Variants in MTX3 observed in about 807,000 individuals in gnomAD.
MTX3 encodes the protein metaxin 3.
Under a neutral mutation model 42.5 loss-of-function variants are expected in MTX3, and 27 were observed. The observed-to-expected ratio is 0.64, with a 90% CI of 0.47 to 0.88. The LOEUF is 0.88. MTX3 is among the 40% of genes least tolerant of loss of function. MTX3 has a pLI of 0.00. For missense variants in MTX3, 378 were observed against 367.0 expected, an observed-to-expected ratio of 1.03 and a Z score of -0.25; for synonymous variants, 144 against 132.9, an observed-to-expected ratio of 1.08 and a Z score of -0.57.
rs1334017916 is a variant in MTX3, at chr5:79,990,170, A to C, written c.218T>G (p.Leu73Ter). 6.2e-7 allele frequency: 1 copy of C among 1,607,794 alleles called. No individual in the cohort carries two copies. The highest frequency in any genetic ancestry group is 1.1e-5 in the South Asian group (1 of 89,942). ...VSQPAKILNF[L>*]RKQKYNADYE... is the part of the protein sequence containing the mutation. ...AAGTGAACCACCCACCTGTTTTCTTAAAAAGTTTAGTATTTTTGCTGGCTG... is the reference window on the plus strand; with the variant it reads ...AAGTGAACCACCCACCTGTTTTCTTCAAAAGTTTAGTATTTTTGCTGGCTG... The change falls in exon 3 of 9, where the codon TTA (leucine) becomes TGA (stop). Residue 73 changes from leucine to a stop codon, truncating the protein, a stop_gained. Transcript: ENST00000512528. LOFTEE classifies it high-confidence loss of function.
At chr5:79,987,714 C>A (rs1337849015) in intron 6 of MTX3, among the ~76,000 whole-genome samples, 1 of 152,138 alleles carries the variant, frequency 6.6e-6, no homozygotes, top group South Asian at 2.1e-4. Flanking sequence ...TGGGAACAGT[C>A]TGAGATGTTT....
intron 1 of MTX3, chr5:79,990,954 G>A: frequency 1.4e-6 from 1 of 720,738 alleles, no homozygotes. Flanking sequence ...GAGCCAAGCG[G>A]AGAAGCCTTG....
In MTX3 at chr5:79,980,535, A is replaced by G. The variant is rs1222722775; in HGVS notation, c.*3149T>C. ...AGTTTTGAAGGAATGACCACCTTCA[A>G]TGTTCTTTACAGCTTCTTTAGTGTT... On this transcript the variant is annotated 3_prime_UTR_variant, in exon 9 of 9. Transcript: ENST00000512528. The G allele has an allele frequency of 6.6e-6, 1 of 150,766 alleles. No homozygotes were observed. The highest frequency in any genetic ancestry group is 1.5e-5 in the Non-Finnish European group (1 of 67,840). 9.3% of individuals were successfully genotyped at this position (150,766 alleles called of 1,614,324 possible). A position where few individuals can be genotyped will look rare whatever the true frequency, so the allele number is the denominator to read the frequency against.
chr5:79,983,769 G>A lies in MTX3; in HGVS notation c.854C>T (p.Pro285Leu), dbSNP rs774819165. ...EKMDDNLRQSPQLPPRKLPTL... is the reference protein window; with the variant it reads ...EKMDDNLRQSLQLPPRKLPTL... Reference sequence around the variant, plus strand: ...TGGCAGTTTCCGAGGAGGAAGCTGAGGGCTTTGGCGAAGATTGTCATCCAT... The same window carrying A: ...TGGCAGTTTCCGAGGAGGAAGCTGAAGGCTTTGGCGAAGATTGTCATCCAT... Residue 285 changes from proline (P) to leucine (L), a missense_variant, in exon 9 of 9, where the codon CCT (proline) becomes CTT (leucine). By Grantham distance (98) the Pro-to-Leu change is moderately conservative. Transcript: ENST00000512528. 11 of 1,613,418 alleles carry A rather than the reference G, an allele frequency of 6.8e-6. No homozygotes were observed. Among genetic ancestry groups the A allele is most frequent in the African/African-American group, 1.3e-5 (1 of 74,904 alleles).
At position 79,978,853 on chromosome 5, in the gene MTX3, T is replaced by C. The variant is rs891309285; in HGVS notation, c.*4831A>G. ...AACAGGTGAGTTTTAAAAAATATTA[T>C]AGCATAATTTCAAATGATTAATAAG... On this transcript the variant is annotated 3_prime_UTR_variant, in exon 9 of 9. Coordinates refer to ENST00000512528, the MANE Select transcript of MTX3 (RefSeq NM_001363818.2). The C allele has an allele frequency of 2.0e-5, 3 of 152,630 alleles. No homozygotes were observed. The highest frequency in any genetic ancestry group is 4.8e-5 in the African/African-American group (2 of 41,450). The allele number at this position is 152,630 out of a possible 1,614,324, so 9.5% of individuals were successfully genotyped here. A position where few individuals can be genotyped will look rare whatever the true frequency, so the allele number is the denominator to read the frequency against.
chr5:79,990,089 TAAATA>T (rs1348902787), intron 3 of MTX3, 66 bp downstream of exon 3: 5 of 908,478 alleles, frequency 5.5e-6, no homozygotes, highest in Non-Finnish European at 6.4e-6. Context: ...AAAAAATAAA[TAAATA>T]AAATAAAGCC....
At chr5:79,984,000 C>T (rs754882871) in intron 8 of MTX3, among the ~76,000 whole-genome samples, 4 of 152,178 alleles carry the variant, frequency 2.6e-5, no homozygotes, top group Non-Finnish European at 4.4e-5. Flanking sequence ...TAAAAAGCAA[C>T]GTGGCTCATT....
rs2151142098 is a variant in MTX3 at position 79,986,792 on chromosome 5, T to C, written c.739+158A>G. On this transcript the variant is annotated intron_variant, in intron 7 of 8. Coordinates refer to ENST00000512528, the MANE Select transcript of MTX3 (RefSeq NM_001363818.2). ...ATTTAAATAAGAACTAACATGAGAA[T>C]AAAAATGAAGTCGGAAAAACACAAA... is the stretch of plus-strand genomic sequence containing the variant. 4.7e-6 allele frequency: 3 copies of C among 639,334 alleles called. No individual in the cohort carries two copies. In the East Asian group the frequency reaches 8.4e-5, roughly 18 times the overall value. The allele number at this position is 639,334 out of a possible 1,614,324, so 39.6% of individuals were successfully genotyped here. A position where few individuals can be genotyped will look rare whatever the true frequency, so the allele number is the denominator to read the frequency against.
intron 6 of MTX3, 126 bp from the exon 7 acceptor site, chr5:79,987,233 G>C: frequency 1.4e-6 from 1 of 721,636 alleles, no homozygotes; most frequent in Non-Finnish European, 2.2e-6. Context: ...TTGAGGTCAG[G>C]AGTTCCAGAT....
intron 6 of MTX3, among the ~76,000 whole-genome samples, chr5:79,987,707 G>T (rs1240061108): frequency 6.6e-6 from 1 of 152,148 alleles, no homozygotes; most frequent in Non-Finnish European, 1.5e-5. Context: ...GGCAGAGTGG[G>T]AACAGTCTGA....
At position 79,976,849 on chromosome 5, in the gene MTX3, A is replaced by T. The variant is rs1231521690; in HGVS notation, c.*6835T>A. The T allele has an allele frequency of 6.6e-6, 1 of 152,640 alleles. No homozygotes were observed. Among genetic ancestry groups the T allele is most frequent in the African/African-American group, 2.4e-5 (1 of 41,452 alleles). The allele number at this position is 152,640 out of a possible 1,614,324, so 9.5% of individuals were successfully genotyped here. ...TCACCACTTTAGTGTATTTGTACAT[A>T]GTCTCTGAGTAAAATATATTCACAC... On this transcript the variant is annotated 3_prime_UTR_variant, in exon 9 of 9. Transcript: ENST00000512528.
chr5:79,982,552 A>G lies in MTX3; in HGVS notation c.*1132T>C, dbSNP rs188628300. The G allele has an allele frequency of 2.0e-5, 7 of 358,630 alleles. No homozygotes were observed. The highest frequency in any genetic ancestry group is 3.9e-5 in the Non-Finnish European group (7 of 179,352). 22.2% of individuals were successfully genotyped at this position (358,630 alleles called of 1,614,324 possible). A position where few individuals can be genotyped will look rare whatever the true frequency, so the allele number is the denominator to read the frequency against. ...CCACTAAAATAAGCAAGTTTCTATT[A>G]TAAGTAAAATTACCACACAGCAAAT... On this transcript the variant is annotated 3_prime_UTR_variant, in exon 9 of 9. Transcript: ENST00000512528.
Position 79,983,664 on chromosome 5 carries a change from G to A in MTX3, c.*20C>T. Reference sequence around the variant, plus strand: ...TTACTGCAACAATCGTTTGACTTTGGCCACAAACCATGACTACTCTCAGGG... The same window carrying A: ...TTACTGCAACAATCGTTTGACTTTGACCACAAACCATGACTACTCTCAGGG... On this transcript the variant is annotated 3_prime_UTR_variant, in exon 9 of 9. Transcript: ENST00000512528. 4 of 1,552,342 alleles carry A rather than the reference G, an allele frequency of 2.6e-6. No homozygotes were observed. The highest frequency in any genetic ancestry group is 3.6e-6 in the Non-Finnish European group (4 of 1,123,712).
intron 8 of MTX3, among the ~76,000 whole-genome samples, chr5:79,984,078 T>TA (rs1172382510): frequency 3.9e-5 from 6 of 152,184 alleles, no homozygotes; most frequent in African/African-American, 1.4e-4. Context: ...AACCATAACT[T>TA]AAAGAGGTCT....
At chr5:79,985,027 G>A (rs1301532486) in intron 8 of MTX3, among the ~76,000 whole-genome samples, 4 of 152,088 alleles carry the variant, frequency 2.6e-5, no homozygotes, top group African/African-American at 9.7e-5. Context: ...CGTTGCCCAG[G>A]CTGGAGTGCA....
Position 79,985,671 on chromosome 5 carries a change from G to A in MTX3, c.740-12C>T. ...AGCTGGAGAGATGCCTAAGAAGCCA[G>A]GACAGAAATCAGAGAAAGACAGGAA... is the stretch of plus-strand genomic sequence containing the variant. On this transcript the variant is annotated splice_polypyrimidine_tract_variant and intron_variant, in intron 7 of 8. Coordinates refer to ENST00000512528, the MANE Select transcript of MTX3 (RefSeq NM_001363818.2). 9 of 1,594,240 alleles carry A rather than the reference G, an allele frequency of 5.6e-6. No individual in the cohort carries two copies. The highest frequency in any genetic ancestry group is 3.4e-5 in the South Asian group (3 of 88,988).
At position 79,980,492 on chromosome 5, in the gene MTX3, C is replaced by T. The variant is rs1384056917; in HGVS notation, c.*3192G>A. On this transcript the variant is annotated 3_prime_UTR_variant, in exon 9 of 9. Coordinates refer to ENST00000512528, the MANE Select transcript of MTX3 (RefSeq NM_001363818.2). ...TGAAATTTGGTTTGTTAATGCCCAC[C>T]TTGTGTGGTCAAAACACAGTTTTGA... The T allele has an allele frequency of 2.0e-5, 3 of 151,856 alleles. No homozygotes were observed. In the East Asian group the frequency reaches 5.8e-4, roughly 29 times the overall value. 9.4% of individuals were successfully genotyped at this position (151,856 alleles called of 1,614,324 possible). A position where few individuals can be genotyped will look rare whatever the true frequency, so the allele number is the denominator to read the frequency against.
rs751462250 is a variant in MTX3 at position 79,985,566 on chromosome 5, T to C, written c.828+5A>G. The C allele has an allele frequency of 2.0e-5, 31 of 1,584,288 alleles. No individual in the cohort carries two copies. Among genetic ancestry groups the C allele is most frequent in the Admixed American group, 6.7e-5 (4 of 59,726 alleles). ...CTATGATAAAATGATTGAAGTAGAC[T>C]TGACCTTTTCAATCAAGTTGGATTC... On this transcript the variant is annotated splice_donor_5th_base_variant and intron_variant, in intron 8 of 8. Coordinates refer to ENST00000512528, the MANE Select transcript of MTX3 (RefSeq NM_001363818.2).
chr5:79,984,031 A>G (rs1224045836), intron 8 of MTX3, among the ~76,000 whole-genome samples: 5 of 152,380 alleles, frequency 3.3e-5, no homozygotes, highest in Middle Eastern at 3.4e-3. Context: ...TCACAGAATT[A>G]TAGTTAATTC....
Sources: gnomAD v4.1 joint callset for allele counts (sites outside exome capture counted in the v4.1 genomes callset) on GRCh38, gnomAD v4.1.1 for gene constraint, MANE v1.5 for transcripts, NCBI Gene and HGNC (gene_info 2026-07-23, HGNC 2026-07-21) for gene names.